TTLL7: variants seen among roughly 807,000 people sequenced by gnomAD.
The protein encoded by TTLL7 is tubulin polyglutamylase TTLL7.
TTLL7 carries 53 observed loss-of-function variants against 120.2 expected under a neutral mutation model. The ratio of observed to expected loss-of-function variants is 0.44; its 90% CI spans 0.35 to 0.55. The LOEUF (loss-of-function observed/expected upper bound fraction) is 0.55, where lower values mean the gene tolerates loss of function less well. TTLL7 is among the 20% of genes least tolerant of loss of function. The probability of loss-of-function intolerance (pLI) is 0.00; values close to 1 mark genes in which losing one functional copy is unlikely to be tolerated. For synonymous variants in TTLL7, 353 were observed against 351.7 expected, an observed-to-expected ratio of 1.00 and a Z score of -0.04; for missense variants, 803 against 1,054.7, an observed-to-expected ratio of 0.76 and a Z score of 3.31.
Position 83,907,494 on chromosome 1 carries a change from G to T in TTLL7, c.1954C>A (p.Pro652Thr). The T allele has an allele frequency of 6.2e-7, 1 of 1,613,044 alleles. No individual in the cohort carries two copies. Residue 652 changes from proline to threonine, a missense_variant, in exon 16 of 21, where the codon CCT becomes ACT. Pro to Thr is a conservative substitution (Grantham distance 38, BLOSUM62 -1). Coordinates refer to ENST00000260505, the MANE Select transcript of TTLL7 (RefSeq NM_024686.6). Reference sequence around the variant, plus strand: ...GTAGAGCAGGCATCATTACTGTGAGGCAGATGCCTCATGTAGGAGGAAGCA... The same window carrying T: ...GTAGAGCAGGCATCATTACTGTGAGTCAGATGCCTCATGTAGGAGGAAGCA... The part of the protein sequence containing the change: ...NRASSYMRHL[P>T]HSNDACSTNS...
chr1:83,892,371 A>AACATATATGAACATATATACGAAC (rs1491508104), intron 18 of TTLL7, among the ~76,000 whole-genome samples: 8 of 119,924 alleles, frequency 6.7e-5, no homozygotes, highest in African/African-American at 2.7e-4. Context: ...TATATATACG[A>AACATATATGAACATATATACGAAC]ATATATATGA....
At position 83,866,403 on chromosome 1, in the gene TTLL7, T is replaced by C. The variant is rs1270691993; in HGVS notation, c.*3559A>G. 6.6e-6 allele frequency: 1 copy of C among 151,886 alleles called. No individual in the cohort carries two copies. Among genetic ancestry groups the C allele is most frequent in the Non-Finnish European group, 1.5e-5 (1 of 67,794 alleles). The allele number at this position is 151,886 out of a possible 1,614,324, so 9.4% of individuals were successfully genotyped here. ...TCAAGTTAGATACAAAATTCCATAC[T>C]CATATATTTTACAAATTAAAAAGAC... On this transcript the variant is annotated 3_prime_UTR_variant, in exon 21 of 21. Transcript: ENST00000260505.
At chr1:83,882,072 A>T (rs1420845529) in intron 20 of TTLL7, among the ~76,000 whole-genome samples, 35 of 114,684 alleles carry the variant, frequency 3.1e-4, no homozygotes, top group Non-Finnish European at 5.8e-4. Context: ...GGAACATCAC[A>T]CTCTGGGAAC....
chr1:83,897,484 G>A (rs747095989), intron 18 of TTLL7, among the ~76,000 whole-genome samples: 1 of 152,052 alleles, frequency 6.6e-6, no homozygotes, highest in Non-Finnish European at 1.5e-5. Context: ...CAGCCTTTGT[G>A]GCAGCCATGG....
chr1:83,980,937 T>G (rs1388018716), intron 1 of TTLL7: 1 of 152,022 alleles, frequency 6.6e-6, no homozygotes, highest in Non-Finnish European at 1.5e-5. Context: ...ATAAACTAAG[T>G]ATGTATAAAG....
intron 20 of TTLL7, among the ~76,000 whole-genome samples, chr1:83,881,067 T>G (rs1047521637): frequency 1.3e-5 from 2 of 150,800 alleles, no homozygotes; most frequent in Admixed American, 6.6e-5. Flanking sequence ...GATCCCTTCC[T>G]TACACCTTAT....
chr1:83,953,878 C>T (rs919380604), intron 1 of TTLL7, among the ~76,000 whole-genome samples: 2 of 152,066 alleles, frequency 1.3e-5, no homozygotes, highest in African/African-American at 4.8e-5. Flanking sequence ...CAAGATATGG[C>T]CATATTCTGG....
In TTLL7 at chr1:83,997,726, C is replaced by T. The variant is rs961910646; in HGVS notation, c.-177+1205G>A. 1.3e-5 allele frequency among the ~76,000 whole-genome samples: 2 copies of T among 152,148 alleles called. 1 individual carries two copies. The highest frequency in any genetic ancestry group is 3.9e-4 in the East Asian group (2 of 5,194). Reference sequence around the variant, plus strand: ...GCAGTTCAGTCGCACACCTCATGAACTAAGTAACTATTATTACTGTAAATG... The same window carrying T: ...GCAGTTCAGTCGCACACCTCATGAATTAAGTAACTATTATTACTGTAAATG... On this transcript the variant is annotated intron_variant, in intron 1 of 20. Transcript: ENST00000260505.
intron 18 of TTLL7, among the ~76,000 whole-genome samples, chr1:83,892,951 A>G (rs1265135614): frequency 4.7e-5 from 4 of 84,978 alleles, no homozygotes; most frequent in African/African-American, 4.7e-4. Context: ...AGAAAGAAAG[A>G]AAAGAATAAA....
intron 19 of TTLL7, chr1:83,889,834 T>C (rs1309660203): frequency 1.1e-5 from 5 of 439,792 alleles, no homozygotes; most frequent in African/African-American, 8.1e-5. Flanking sequence ...AAAAGGAAGA[T>C]GCAGATGCCC....
At chr1:83,930,017 A>T (rs1360670415) in intron 9 of TTLL7, among the ~76,000 whole-genome samples, 1 of 152,132 alleles carries the variant, frequency 6.6e-6, no homozygotes, top group Non-Finnish European at 1.5e-5. Flanking sequence ...CACCTGAAGA[A>T]ATATCACATT....
chr1:83,969,963 T>C (rs898191101), intron 1 of TTLL7, among the ~76,000 whole-genome samples: 5 of 151,998 alleles, frequency 3.3e-5, no homozygotes, highest in South Asian at 2.1e-4. Context: ...TAAACAAATA[T>C]GCCTAAATTA....
At chr1:83,996,115 A>G (rs1653454740) in intron 1 of TTLL7, among the ~76,000 whole-genome samples, 1 of 152,118 alleles carries the variant, frequency 6.6e-6, no homozygotes, top group Non-Finnish European at 1.5e-5. Context: ...TAGTTGGTCA[A>G]ATTATGAGGG....
At chr1:83,972,368 C>G (rs905608521) in intron 1 of TTLL7, among the ~76,000 whole-genome samples, 2 of 151,988 alleles carry the variant, frequency 1.3e-5, no homozygotes, top group Non-Finnish European at 2.9e-5. Context: ...CAATATGTAG[C>G]CTTATCAGAT....
At chr1:83,998,397 G>A (rs1313663534) in intron 1 of TTLL7, among the ~76,000 whole-genome samples, 1 of 152,076 alleles carries the variant, frequency 6.6e-6, no homozygotes, top group Non-Finnish European at 1.5e-5. Flanking sequence ...TCGAGGGAAC[G>A]CTGCGATGTG....
chr1:83,927,432 G>C (rs1180947907), intron 10 of TTLL7, among the ~76,000 whole-genome samples: 1 of 152,020 alleles, frequency 6.6e-6, no homozygotes, highest in Non-Finnish European at 1.5e-5. Context: ...ATAAAAGATG[G>C]GATTTGAGTC....
intron 20 of TTLL7, among the ~76,000 whole-genome samples, chr1:83,874,937 T>C (rs1185660601): frequency 6.6e-6 from 1 of 152,004 alleles, no homozygotes; most frequent in African/African-American, 2.4e-5. Context: ...CTCTCTGTTC[T>C]TAGATAGATA....
At chr1:83,916,830 C>T (rs1658229291) in intron 14 of TTLL7, among the ~76,000 whole-genome samples, 1 of 152,088 alleles carries the variant, frequency 6.6e-6, no homozygotes, top group African/African-American at 2.4e-5. Flanking sequence ...TGGCTCATGC[C>T]TATAATCCCA....
At chr1:83,931,660 G>C (rs939729641) in intron 9 of TTLL7, among the ~76,000 whole-genome samples, 4 of 119,750 alleles carry the variant, frequency 3.3e-5, no homozygotes, top group Non-Finnish European at 6.2e-5. Context: ...AACTTAGTAG[G>C]TTCCTGTTTA....
Sources: gnomAD v4.1 joint callset for allele counts (sites outside exome capture counted in the v4.1 genomes callset) on GRCh38, gnomAD v4.1.1 for gene constraint, MANE v1.5 for transcripts, NCBI Gene and HGNC (gene_info 2026-07-23, HGNC 2026-07-21) for gene names.